Variants in ADAM32 observed in about 807,000 individuals in gnomAD.
ADAM32 encodes disintegrin and metalloproteinase domain-containing protein 32.
A neutral mutation model predicts 114.9 loss-of-function variants in ADAM32; 89 were observed. The observed-to-expected ratio is 0.77, with a 90% confidence interval of 0.65 to 0.92. ADAM32 has a LOEUF of 0.92. Ranked by LOEUF, ADAM32 falls within the 40% of genes least tolerant of loss-of-function variation. The probability of loss-of-function intolerance (pLI) is 0.00; values close to 1 mark genes in which losing one functional copy is unlikely to be tolerated. For missense variants in ADAM32, 870 were observed against 932.8 expected (o/e 0.93, Z 0.88); for synonymous variants, 285 against 307.5 (o/e 0.93, Z 0.77).
At chr8:39,283,816 C>T (rs923329423) in intron 24 of ADAM32, among the ~76,000 whole-genome samples, 192 bp downstream of exon 24, 15 of 148,630 alleles carry the variant, frequency 1.0e-4, no homozygotes, top group South Asian at 2.1e-4. Flanking sequence ...CTCTGTCGAC[C>T]AGGCTGGAGT....
chr8:39,161,096 G>A, intron 7 of ADAM32, 131 bp downstream of exon 7: 1 of 810,924 alleles, frequency 1.2e-6, no homozygotes, highest in Admixed American at 3.7e-5. Context: ...GTGGAAAAAT[G>A]TGCAAACTGA....
intron 11 of ADAM32, among the ~76,000 whole-genome samples, chr8:39,203,865 G>A (rs1807617875): frequency 6.6e-6 from 1 of 152,100 alleles, no homozygotes; most frequent in South Asian, 2.1e-4. Context: ...TGTCTGTAAA[G>A]GATTTTATTT....
intron 13 of ADAM32, among the ~76,000 whole-genome samples, chr8:39,222,824 T>G (rs867197527): frequency 2.6e-5 from 4 of 152,156 alleles, no homozygotes; most frequent in Admixed American, 6.5e-5. Flanking sequence ...GATTTTTGTT[T>G]TGCATTTTCT....
At chr8:39,186,823 T>C in intron 10 of ADAM32, 86 bp from the exon 11 acceptor site, 1 of 1,136,436 alleles carries the variant, frequency 8.8e-7, no homozygotes, top group East Asian at 2.7e-5. Context: ...TTTGATAAAA[T>C]AATAAAATAT....
rs752423650 is a variant in ADAM32 at position 39,274,363 on chromosome 8, G to GA, written c.2240+15dup. Reference sequence around the variant, plus strand: ...CATATGCCAGCCAGTAAGTAGGTTAGAAGAGGTTTTTAAGATACATGTTGA... The same window carrying GA: ...CATATGCCAGCCAGTAAGTAGGTTAGAAAGAGGTTTTTAAGATACATGTTGA... On this transcript the variant is annotated intron_variant, in intron 21 of 24. Transcript: ENST00000379907. 4 of 1,610,740 alleles carry GA rather than the reference G, an allele frequency of 2.5e-6. No individual in the cohort carries two copies. Among genetic ancestry groups the GA allele is most frequent in the Non-Finnish European group, 3.4e-6 (4 of 1,178,280 alleles).
rs1465410687 is a variant in ADAM32, at chr8:39,185,339, C to T, written c.916-1570C>T. Among the ~76,000 whole-genome samples, 5 of 18,260 alleles carry T rather than the reference C, an allele frequency of 2.7e-4. No homozygotes were observed. In the East Asian group the frequency reaches 9.3e-3, roughly 34 times the overall value. 12.0% of individuals were successfully genotyped at this position (18,260 alleles called of 152,430 possible). On this transcript the variant is annotated intron_variant, in intron 10 of 24. Coordinates refer to ENST00000379907, the MANE Select transcript of ADAM32 (RefSeq NM_145004.7). Reference sequence around the variant, plus strand: ...GCACTATGCTACTGTCATCTCCAGTCTACAAAAAAAAAACAAAAAACAAAC... The same window carrying T: ...GCACTATGCTACTGTCATCTCCAGTTTACAAAAAAAAAACAAAAAACAAAC...
At chr8:39,277,226 G>T (rs938183453) in intron 22 of ADAM32, among the ~76,000 whole-genome samples, 3 of 152,188 alleles carry the variant, frequency 2.0e-5, no homozygotes, top group African/African-American at 4.8e-5. Flanking sequence ...AGGGGTGATA[G>T]CATCACCCAT....
At chr8:39,162,058 C>T (rs374120753) in intron 7 of ADAM32, among the ~76,000 whole-genome samples, 6 of 150,044 alleles carry the variant, frequency 4.0e-5, no homozygotes, top group African/African-American at 9.8e-5. Context: ...ATGTGCACAA[C>T]GTGCAGGTTT....
intron 16 of ADAM32, among the ~76,000 whole-genome samples, chr8:39,243,878 G>A (rs1410907508): frequency 6.6e-6 from 1 of 151,900 alleles, no homozygotes; most frequent in Non-Finnish European, 1.5e-5. Flanking sequence ...CATATACCTT[G>A]GAAACCCTAA....
At chr8:39,160,600 A>G (rs1446974996) in intron 6 of ADAM32, among the ~76,000 whole-genome samples, 1 of 150,906 alleles carries the variant, frequency 6.6e-6, no homozygotes, top group Non-Finnish European at 1.5e-5. Flanking sequence ...TTTTAAAGCA[A>G]AAGTTTATTT....
chr8:39,186,126 T>G (rs1408934749), intron 10 of ADAM32, among the ~76,000 whole-genome samples: 1 of 152,250 alleles, frequency 6.6e-6, no homozygotes, highest in Non-Finnish European at 1.5e-5. Flanking sequence ...ATTGCTCATT[T>G]GCAGCGTTCC....
intron 19 of ADAM32, among the ~76,000 whole-genome samples, chr8:39,265,524 G>C (rs567086899): frequency 7.5e-4 from 114 of 152,270 alleles, no homozygotes; most frequent in Non-Finnish European, 1.3e-3. Context: ...GTGCAGATTT[G>C]ATCCTGTCAT....
intron 2 of ADAM32, among the ~76,000 whole-genome samples, chr8:39,120,407 C>T (rs982663705): frequency 2.0e-5 from 3 of 152,024 alleles, no homozygotes; most frequent in Non-Finnish European, 2.9e-5. Context: ...AAGCTTTTAT[C>T]GTCTTAGGGA....
intron 11 of ADAM32, among the ~76,000 whole-genome samples, chr8:39,203,577 CTT>C (rs1300579635): frequency 2.0e-5 from 3 of 152,152 alleles, no homozygotes; most frequent in Admixed American, 2.0e-4. Context: ...GGTCTTGACT[CTT>C]TATCCAATTT....
intron 10 of ADAM32, among the ~76,000 whole-genome samples, chr8:39,185,527 AT>A (rs1806180706): frequency 6.6e-6 from 1 of 152,192 alleles, no homozygotes; most frequent in Admixed American, 6.5e-5. Flanking sequence ...CAATATTACC[AT>A]ATTCCTGAAA....
chr8:39,143,583 C>T (rs1223499611), intron 3 of ADAM32, among the ~76,000 whole-genome samples: 1 of 152,174 alleles, frequency 6.6e-6, no homozygotes, highest in Non-Finnish European at 1.5e-5. Context: ...CCTCTGGAAA[C>T]TTCATCCCAG....
At chr8:39,114,305 A>G (rs1009559862) in intron 1 of ADAM32, among the ~76,000 whole-genome samples, 7 of 152,164 alleles carry the variant, frequency 4.6e-5, no homozygotes, top group African/African-American at 1.7e-4. Flanking sequence ...TCTGCAGGGG[A>G]AGATTCGCAG....
At chr8:39,211,742 A>G (rs984291569) in intron 12 of ADAM32, among the ~76,000 whole-genome samples, 4 of 152,246 alleles carry the variant, frequency 2.6e-5, no homozygotes, top group African/African-American at 7.2e-5. Flanking sequence ...TGAACACTAG[A>G]TATTTTGATT....
chr8:39,207,910 CT>C (rs35410478), intron 11 of ADAM32, among the ~76,000 whole-genome samples: 1 of 152,080 alleles, frequency 6.6e-6, no homozygotes, highest in Admixed American at 6.5e-5. Flanking sequence ...GATTGCATTC[CT>C]TTTTATGGTG....
Sources: allele counts gnomAD v4.1 joint callset (sites outside exome capture counted in the v4.1 genomes callset), GRCh38; gene constraint gnomAD v4.1.1; transcripts MANE v1.5; gene names NCBI Gene and HGNC (gene_info 2026-07-23, HGNC 2026-07-21).